TNKS2: variants seen among roughly 807,000 people sequenced by gnomAD.
TNKS2 encodes the protein tankyrase 2.
A neutral mutation model predicts 137.6 loss-of-function variants in TNKS2; 72 were observed. The ratio of observed to expected loss-of-function variants is 0.52; its 90% CI spans 0.43 to 0.64. The LOEUF (loss-of-function observed/expected upper bound fraction) is 0.64. TNKS2 is among the 30% of genes least tolerant of loss of function. The pLI, the probability that TNKS2 is intolerant of heterozygous loss-of-function variation, is 0.00. For missense variants in TNKS2, 1,049 were observed against 1,410.2 expected (o/e 0.74, Z 4.10); for synonymous variants, 516 against 512.1 (o/e 1.01, Z -0.10).
rs374132272 is a variant in TNKS2 at position 91,858,011 on chromosome 10, G to C, written c.3094+481G>C. Among the ~76,000 whole-genome samples the C allele has an allele frequency of 6.5e-4, 99 of 152,264 alleles. 1 individual carries two copies. Among genetic ancestry groups the C allele is most frequent in the Non-Finnish European group, 1.1e-3 (74 of 68,016 alleles). ...TTGAAACCATAGAATTGAATTGAAA[G>C]CACAATTACTTATTCTTCTTGGAAT... On this transcript the variant is annotated intron_variant, in intron 24 of 26. Transcript: ENST00000371627.
chr10:91,820,455 T>C (rs1254643763), intron 6 of TNKS2, among the ~76,000 whole-genome samples: 1 of 152,166 alleles, frequency 6.6e-6, no homozygotes, highest in Non-Finnish European at 1.5e-5. Flanking sequence ...GTAAGACAAT[T>C]GGGATAAGTG....
intron 15 of TNKS2, among the ~76,000 whole-genome samples, 160 bp downstream of exon 15, chr10:91,841,608 T>C (rs906091021): frequency 2.0e-5 from 3 of 152,166 alleles, no homozygotes; most frequent in Admixed American, 6.5e-5. Flanking sequence ...ACATTTTATA[T>C]TTTAATCCAC....
At chr10:91,815,949 T>TTTC (rs1844679453) in intron 2 of TNKS2, among the ~76,000 whole-genome samples, 1 of 15,918 alleles carries the variant, frequency 6.3e-5, no homozygotes, top group African/African-American at 7.1e-4. Flanking sequence ...AGACTTTCTC[T>TTTC]TTTTTTTTTT....
chr10:91,808,738 G>C (rs1347216931), intron 1 of TNKS2, among the ~76,000 whole-genome samples: 1 of 152,096 alleles, frequency 6.6e-6, no homozygotes, highest in Non-Finnish European at 1.5e-5. Flanking sequence ...TAAATCTGAG[G>C]GTTGTGTATC....
At position 91,859,019 on chromosome 10, in the gene TNKS2, A is replaced by T. The variant is rs112917693; in HGVS notation, c.3095-443A>T. On this transcript the variant is annotated intron_variant, in intron 24 of 26. Transcript: ENST00000371627. Reference sequence around the variant, plus strand: ...GCGAGACTACATCTCAAAAAAATTTAAAAAAAAAAAGAATGTGAAAGTCTA... The same window carrying T: ...GCGAGACTACATCTCAAAAAAATTTTAAAAAAAAAAGAATGTGAAAGTCTA... Among the ~76,000 whole-genome samples, 826 of 147,888 alleles carry T rather than the reference A, an allele frequency of 5.6e-3. 7 individuals carry two copies. Among genetic ancestry groups the T allele is most frequent in the African/African-American group, 0.019 (763 of 40,366 alleles).
intron 2 of TNKS2, among the ~76,000 whole-genome samples, chr10:91,816,653 G>GT (rs1325415895): frequency 6.9e-6 from 1 of 145,084 alleles, no homozygotes; most frequent in Non-Finnish European, 1.5e-5. Flanking sequence ...AGTTTTTTGT[G>GT]TTTTTTAAAA....
chr10:91,860,934 G>A (rs1842836557), intron 25 of TNKS2, among the ~76,000 whole-genome samples: 2 of 152,222 alleles, frequency 1.3e-5, no homozygotes, highest in Middle Eastern at 3.4e-3. Flanking sequence ...AAATAGTTCT[G>A]ATTATTAGTA....
intron 6 of TNKS2, 22 bp downstream of exon 6, chr10:91,820,055 A>G: frequency 2.0e-6 from 3 of 1,486,506 alleles, no homozygotes. Context: ...AACAAAAACA[A>G]GGACTTTTTA....
chr10:91,834,602 A>G (rs998544490), intron 12 of TNKS2, among the ~76,000 whole-genome samples: 2 of 152,212 alleles, frequency 1.3e-5, no homozygotes, highest in Non-Finnish European at 2.9e-5. Context: ...GAAAAATGTA[A>G]TAGATTAAGC....
chr10:91,819,259 C>A lies in TNKS2; in HGVS notation c.521-11C>A, dbSNP rs112518200. 2.0e-5 allele frequency: 22 copies of A among 1,106,202 alleles called. No homozygotes were observed. Among genetic ancestry groups the A allele is most frequent in the African/African-American group, 4.9e-5 (2 of 40,688 alleles). The allele number at this position is 1,106,202 out of a possible 1,614,324, so 68.5% of individuals were successfully genotyped here. A position where few individuals can be genotyped will look rare whatever the true frequency, so the allele number is the denominator to read the frequency against. On this transcript the variant is annotated splice_polypyrimidine_tract_variant and intron_variant, in intron 3 of 26. Transcript: ENST00000371627. ...TTAATTTCTATACTTTTTTTTTTTT[C>A]TAATTCACAGGTGAATATAAGAAAG... is the stretch of plus-strand genomic sequence containing the variant.
At position 91,842,348 on chromosome 10, in the gene TNKS2, C is replaced by G. The variant is rs763351728; in HGVS notation, c.2016C>G (p.Cys672Trp). The change falls in exon 16 of 27, where the codon TGC becomes TGG. Residue 672 changes from cysteine (C) to tryptophan (W), a missense_variant. Physicochemically the swap from Cys to Trp is radical, Grantham distance 215. Coordinates refer to ENST00000371627, the MANE Select transcript of TNKS2 (RefSeq NM_025235.4). ...KKLSSPDNVN[C>W]RDTQGRHSTP... ...TGTCTTCTCCTGATAATGTAAATTG[C>G]CGCGATACCCAAGGCAGACATTCAA... The G allele has an allele frequency of 1.9e-6, 3 of 1,613,966 alleles. No individual in the cohort carries two copies. The South Asian group carries it at 3.3e-5, about 18-fold the overall frequency.
rs1844959410 is a variant in TNKS2, at chr10:91,823,293, T to A, written c.795+931T>A. 3.3e-5 allele frequency among the ~76,000 whole-genome samples: 5 copies of A among 149,302 alleles called. No homozygotes were observed. In the Admixed American group the frequency reaches 3.4e-4, roughly 10 times the overall value. The stretch of plus-strand genomic sequence containing the variant: ...CAGGTTCCCAAGACTAGCAAGAAAC[T>A]TTTTTTGTTGTTTTTTTGGTTTTTT... On this transcript the variant is annotated intron_variant, in intron 7 of 26. Coordinates refer to ENST00000371627, the MANE Select transcript of TNKS2 (RefSeq NM_025235.4).
Position 91,847,070 on chromosome 10 carries a change from TAA to T in TNKS2, c.2358+1132_2358+1133del, listed in dbSNP as rs576488059. 5.5e-3 allele frequency among the ~76,000 whole-genome samples: 842 copies of T among 152,312 alleles called. 10 individuals carry two copies. Among genetic ancestry groups the T allele is most frequent in the South Asian group, 0.024 (114 of 4,828 alleles). ...TGAGAATTAAATGGGGTAATTTACT[TAA>T]AGTCTTTGGCATGGTATCAGGTACA... On this transcript the variant is annotated intron_variant, in intron 18 of 26. Transcript: ENST00000371627.
chr10:91,822,509 G>T, intron 7 of TNKS2, 147 bp downstream of exon 7: 1 of 605,558 alleles, frequency 1.7e-6, no homozygotes, highest in Non-Finnish European at 2.8e-6. Context: ...AAATATAGGT[G>T]ACTGATAGCT....
intron 12 of TNKS2, among the ~76,000 whole-genome samples, chr10:91,835,285 C>A (rs1422403562): frequency 7.1e-6 from 1 of 140,344 alleles, no homozygotes; most frequent in African/African-American, 2.7e-5. Context: ...TCTTTTTTTT[C>A]TTTTTTTTTT....
At chr10:91,815,486 C>CAAATAT (rs59439298) in intron 2 of TNKS2, among the ~76,000 whole-genome samples, 105,394 of 151,264 alleles carry the variant, frequency 0.7, 37,862 homozygotes, top group East Asian at 0.91. Flanking sequence ...TAGAGTTTTC[C>CAAATAT]AGTTATAATC....
chr10:91,815,948 CTTTTTTTT>C (rs10691725), intron 2 of TNKS2, among the ~76,000 whole-genome samples: 2 of 125,160 alleles, frequency 1.6e-5, no homozygotes, highest in African/African-American at 3.1e-5. Context: ...AAGACTTTCT[CTTTTTTTT>C]TTTTTTTTTT....
intron 7 of TNKS2, among the ~76,000 whole-genome samples, chr10:91,824,294 A>G (rs915165980): frequency 1.3e-5 from 2 of 152,216 alleles, no homozygotes; most frequent in African/African-American, 4.8e-5. Flanking sequence ...GCTGGCATTT[A>G]ACAGCAAACA....
In TNKS2 at chr10:91,798,630, G is replaced by A. The variant is rs1364943372; in HGVS notation, c.-61G>A. The A allele has an allele frequency of 5.0e-6, 6 of 1,210,004 alleles. No homozygotes were observed. The African/African-American group carries it at 6.3e-5, about 13-fold the overall frequency. The allele number at this position is 1,210,004 out of a possible 1,614,324, so 75.0% of individuals were successfully genotyped here. On this transcript the variant is annotated 5_prime_UTR_variant, in exon 1 of 27. Coordinates refer to ENST00000371627, the MANE Select transcript of TNKS2 (RefSeq NM_025235.4). ...CGGGGGGCCTCGCCCTCCTGCTCGC[G>A]GGGCCGGGGCTCCTGCTCCGGTTGC...
Sources: allele counts gnomAD v4.1 joint callset (sites outside exome capture counted in the v4.1 genomes callset), GRCh38; gene constraint gnomAD v4.1.1; transcripts MANE v1.5; gene names NCBI Gene and HGNC (gene_info 2026-07-23, HGNC 2026-07-21).